ANGPT1: variants seen among roughly 807,000 people sequenced by gnomAD.
ANGPT1 encodes angiopoietin-1.
ANGPT1 carries 17 observed loss-of-function variants against 62.2 expected under a neutral mutation model. The observed-to-expected ratio is 0.27, with a 90% confidence interval of 0.19 to 0.41. The LOEUF (loss-of-function observed/expected upper bound fraction) is 0.41, where lower values mean the gene tolerates loss of function less well. Ranked by LOEUF, ANGPT1 falls within the 10% of genes least tolerant of loss-of-function variation. The pLI, the probability that ANGPT1 is intolerant of heterozygous loss-of-function variation, is 1.00. For missense variants in ANGPT1, 478 were observed against 594.9 expected, an observed-to-expected ratio of 0.80 and a Z score of 2.04; for synonymous variants, 199 against 198.9, an observed-to-expected ratio of 1.00 and a Z score of 0.00.
rs116095432 is a variant in ANGPT1 at position 107,359,788 on chromosome 8, A to G, written c.298-12691T>C. On this transcript the variant is annotated intron_variant, in intron 1 of 8. Coordinates refer to ENST00000517746, the MANE Select transcript of ANGPT1 (RefSeq NM_001146.5). The stretch of plus-strand genomic sequence containing the variant: ...ATTTGAAAAAGAAAAGAAACACTGA[A>G]CTGTTAATAGTGACGATCTCTGGCT... 4.9e-3 allele frequency among the ~76,000 whole-genome samples: 747 copies of G among 152,286 alleles called. 8 individuals are homozygous for G. The highest frequency in any genetic ancestry group is 0.017 in the African/African-American group (710 of 41,556).
At chr8:107,427,136 G>T (rs1811060878) in intron 1 of ANGPT1, among the ~76,000 whole-genome samples, 1 of 152,150 alleles carries the variant, frequency 6.6e-6, no homozygotes, top group Admixed American at 6.5e-5. Context: ...CTTAGCCTGG[G>T]ATATAGTGGG....
intron 1 of ANGPT1, among the ~76,000 whole-genome samples, chr8:107,403,709 T>C (rs1817091138): frequency 6.6e-6 from 1 of 152,162 alleles, no homozygotes; most frequent in Non-Finnish European, 1.5e-5. Context: ...TAGCATAAGA[T>C]GCTTGTACTA....
At chr8:107,382,379 G>T (rs1305944355) in intron 1 of ANGPT1, among the ~76,000 whole-genome samples, 1 of 152,110 alleles carries the variant, frequency 6.6e-6, no homozygotes, top group South Asian at 2.1e-4. Flanking sequence ...TCGAGCTGCA[G>T]TGTGTGTAAA....
At chr8:107,303,750 C>G (rs1202978633) in intron 4 of ANGPT1, among the ~76,000 whole-genome samples, 1 of 151,658 alleles carries the variant, frequency 6.6e-6, no homozygotes, top group Non-Finnish European at 1.5e-5. Context: ...CTACATTTCA[C>G]AGGAAAGTCT....
intron 1 of ANGPT1, among the ~76,000 whole-genome samples, chr8:107,367,062 G>A (rs1212688851): frequency 6.6e-6 from 1 of 152,052 alleles, no homozygotes; most frequent in Non-Finnish European, 1.5e-5. Context: ...AATCACCCAG[G>A]CTAAGCCATC....
At chr8:107,481,686 G>A (rs1285191943) in intron 1 of ANGPT1, among the ~76,000 whole-genome samples, 1 of 152,118 alleles carries the variant, frequency 6.6e-6, no homozygotes, top group African/African-American at 2.4e-5. Flanking sequence ...CAGTGTCTGG[G>A]GGGAGGCCTC....
At chr8:107,313,698 C>T (rs1814940107) in intron 4 of ANGPT1, among the ~76,000 whole-genome samples, 1 of 151,938 alleles carries the variant, frequency 6.6e-6, no homozygotes, top group South Asian at 2.1e-4. Flanking sequence ...CTGCCTCGGC[C>T]TCCCAAAGTG....
intron 8 of ANGPT1, among the ~76,000 whole-genome samples, chr8:107,261,190 A>G (rs1482842817): frequency 6.6e-6 from 1 of 152,144 alleles, no homozygotes; most frequent in Non-Finnish European, 1.5e-5. Context: ...GTTGCTGACA[A>G]TTTCATTTAT....
At chr8:107,397,421 T>C (rs1816958022) in intron 1 of ANGPT1, among the ~76,000 whole-genome samples, 1 of 146,184 alleles carries the variant, frequency 6.8e-6, no homozygotes, top group Admixed American at 7.0e-5. Flanking sequence ...GAGGGGATTT[T>C]TTCCCCTCAA....
chr8:107,273,571 C>T (rs543159615), intron 7 of ANGPT1, among the ~76,000 whole-genome samples: 1 of 152,076 alleles, frequency 6.6e-6, no homozygotes, highest in East Asian at 1.9e-4. Flanking sequence ...CTAAATAAGG[C>T]AGACTGTCTC....
intron 5 of ANGPT1, among the ~76,000 whole-genome samples, chr8:107,302,099 G>C (rs73701076): frequency 0.014 from 2,134 of 151,940 alleles, 56 homozygotes; most frequent in African/African-American, 0.049. Flanking sequence ...TATCTATTGA[G>C]ACCTACTATG....
At chr8:107,412,543 A>G (rs1810617128) in intron 1 of ANGPT1, among the ~76,000 whole-genome samples, 2 of 152,314 alleles carry the variant, frequency 1.3e-5, no homozygotes, top group East Asian at 1.9e-4. Flanking sequence ...ACATGTATAC[A>G]TTCAAAAGAA....
At chr8:107,311,836 G>A (rs892710798) in intron 4 of ANGPT1, among the ~76,000 whole-genome samples, 2 of 152,200 alleles carry the variant, frequency 1.3e-5, no homozygotes, top group South Asian at 2.1e-4. Context: ...AGTCCGAGGC[G>A]GGCGGATCAC....
intron 1 of ANGPT1, among the ~76,000 whole-genome samples, chr8:107,415,706 C>T (rs1387175033): frequency 1.3e-5 from 2 of 152,102 alleles, no homozygotes; most frequent in African/African-American, 2.4e-5. Context: ...CAACTTAGCC[C>T]CTTCTGGACA....
chr8:107,457,899 T>G (rs985352550), intron 1 of ANGPT1, among the ~76,000 whole-genome samples: 4 of 151,296 alleles, frequency 2.6e-5, no homozygotes, highest in African/African-American at 9.7e-5. Flanking sequence ...ATGAAAGCAT[T>G]TTCTTGGACA....
intron 3 of ANGPT1, among the ~76,000 whole-genome samples, chr8:107,323,463 T>C (rs1324726730): frequency 2.0e-5 from 3 of 152,140 alleles, no homozygotes; most frequent in Non-Finnish European, 4.4e-5. Context: ...AATTATAAAA[T>C]AGAGCATGTT....
intron 1 of ANGPT1, among the ~76,000 whole-genome samples, chr8:107,495,225 A>G (rs78447488): frequency 0.029 from 4,431 of 152,286 alleles, 88 homozygotes; most frequent in Middle Eastern, 0.051. Flanking sequence ...TAAACTGACA[A>G]TAGTCAAGCC....
At chr8:107,276,282 T>C (rs553032107) in intron 7 of ANGPT1, among the ~76,000 whole-genome samples, 33 of 152,300 alleles carry the variant, frequency 2.2e-4, no homozygotes, top group African/African-American at 7.5e-4. Flanking sequence ...TTTAAAACCT[T>C]GAGTTTGAAA....
In ANGPT1 at chr8:107,451,316, GACAC is replaced by G. The variant is rs138970014; in HGVS notation, c.297+45942_297+45945del. ...CTTATACACTAATACATACATAACA[GACAC>G]ACACACACACACACACACACGTGTA... On this transcript the variant is annotated intron_variant, in intron 1 of 8. Coordinates refer to ENST00000517746, the MANE Select transcript of ANGPT1 (RefSeq NM_001146.5). Among the ~76,000 whole-genome samples, 132 of 149,064 alleles carry G rather than the reference GACAC, an allele frequency of 8.9e-4. 3 individuals carry two copies. The highest frequency in any genetic ancestry group is 7.5e-3 in the Admixed American group (112 of 14,890).
Sources: gnomAD v4.1 joint callset for allele counts (sites outside exome capture counted in the v4.1 genomes callset) on GRCh38, gnomAD v4.1.1 for gene constraint, MANE v1.5 for transcripts, NCBI Gene and HGNC (gene_info 2026-07-23, HGNC 2026-07-21) for gene names.